ESRRG: variants seen among roughly 807,000 people sequenced by gnomAD.
ESRRG encodes the protein estrogen related receptor gamma.
Under a neutral mutation model 44.0 loss-of-function variants are expected in ESRRG, and 13 were observed. The ratio of observed to expected loss-of-function variants is 0.30; its 90% CI spans 0.19 to 0.47. The LOEUF is 0.47. Among genes scored for constraint, ESRRG ranks in the 20% least tolerant of loss-of-function variants. The pLI, the probability that ESRRG is intolerant of heterozygous loss-of-function variation, is 1.00. For synonymous variants in ESRRG, 215 were observed against 214.6 expected (o/e 1.00, Z -0.02); for missense variants, 395 against 580.6 (o/e 0.68, Z 3.29).
intron 1 of ESRRG, among the ~76,000 whole-genome samples, chr1:217,087,438 A>G (rs1272768717): frequency 6.6e-6 from 1 of 152,222 alleles, no homozygotes; most frequent in African/African-American, 2.4e-5. Context: ...CTCTCTTGGT[A>G]ACCTTTTAAT....
At chr1:216,556,159 T>A (rs1270047591) in intron 5 of ESRRG, among the ~76,000 whole-genome samples, 7 of 152,030 alleles carry the variant, frequency 4.6e-5, no homozygotes, top group Non-Finnish European at 8.8e-5. Context: ...CTTTAACTTA[T>A]CAAGTAGCTT....
intron 2 of ESRRG, among the ~76,000 whole-genome samples, chr1:216,819,251 C>T (rs776525899): frequency 6.6e-6 from 1 of 152,174 alleles, no homozygotes; most frequent in Non-Finnish European, 1.5e-5. Context: ...TCGCCAGCAT[C>T]TGTTGTTCTT....
At chr1:216,523,471 T>C (rs966590338) in intron 5 of ESRRG, among the ~76,000 whole-genome samples, 1 of 150,014 alleles carries the variant, frequency 6.7e-6, no homozygotes, top group African/African-American at 2.5e-5. Context: ...AGTGGTGCCA[T>C]GGGCACTCAT....
At chr1:216,686,502 C>A (rs2078007633) in intron 1 of ESRRG, among the ~76,000 whole-genome samples, 2 of 149,620 alleles carry the variant, frequency 1.3e-5, no homozygotes, top group African/African-American at 4.9e-5. Context: ...CCAGTGAAGC[C>A]AGTAGAAGCC....
chr1:216,560,881 C>A (rs752073589), intron 5 of ESRRG, among the ~76,000 whole-genome samples: 4 of 152,092 alleles, frequency 2.6e-5, no homozygotes, highest in Middle Eastern at 3.2e-3. Flanking sequence ...AGATAGGAAC[C>A]AGAAAAGCGA....
chr1:216,748,496 A>C (rs952327096), intron 2 of ESRRG, among the ~76,000 whole-genome samples: 2 of 152,192 alleles, frequency 1.3e-5, no homozygotes, highest in Non-Finnish European at 2.9e-5. Context: ...AAATATTAAT[A>C]GAACTATTTA....
At chr1:217,008,177 G>C (rs2078032320) in intron 1 of ESRRG, among the ~76,000 whole-genome samples, 1 of 152,202 alleles carries the variant, frequency 6.6e-6, no homozygotes, top group Non-Finnish European at 1.5e-5. Flanking sequence ...CTTTCAGGCT[G>C]TCTGCCACTG....
In ESRRG at chr1:217,030,020, C is replaced by T. The variant is rs190196212; in HGVS notation, c.-106+59487G>A. ...AAAGAGAAAAACCGAAGCTGGGTATCCTCACTAGCACACTGTACTACAGCC... is the reference window on the plus strand; with the variant it reads ...AAAGAGAAAAACCGAAGCTGGGTATTCTCACTAGCACACTGTACTACAGCC... On this transcript the variant is annotated intron_variant, in intron 1 of 7. Coordinates refer to the ESRRG transcript ENST00000359162. 2.2e-3 allele frequency among the ~76,000 whole-genome samples: 328 copies of T among 152,288 alleles called. 1 individual carries two copies. Among genetic ancestry groups the T allele is most frequent in the Non-Finnish European group, 3.6e-3 (242 of 68,028 alleles).
intron 1 of ESRRG, among the ~76,000 whole-genome samples, chr1:216,707,657 AT>A (rs2082721719): frequency 6.6e-6 from 1 of 152,194 alleles, no homozygotes. Flanking sequence ...GCATTCACAT[AT>A]TTTTATCATT....
At chr1:217,125,770 T>G (rs1349604768) in intron 1 of ESRRG, among the ~76,000 whole-genome samples, 1 of 152,200 alleles carries the variant, frequency 6.6e-6, no homozygotes, top group Non-Finnish European at 1.5e-5. Flanking sequence ...ATGTTGGTAT[T>G]TATTATTATC....
At chr1:216,718,844 A>G (rs1057241670) in intron 1 of ESRRG, among the ~76,000 whole-genome samples, 6 of 151,998 alleles carry the variant, frequency 3.9e-5, no homozygotes, top group African/African-American at 1.4e-4. Flanking sequence ...ATCTGCTGCA[A>G]TGACTCTAAA....
rs1446233472 is a variant in ESRRG at position 216,658,950 on chromosome 1, C to T, written c.473-7861G>A. ...AAAGAAAAGAAAAGTAGAGAAAATG[C>T]AAACCTAGGTTCAAGTTCCAGCTCT... On this transcript the variant is annotated intron_variant, in intron 2 of 6. Coordinates refer to ENST00000408911, the MANE Select transcript of ESRRG (RefSeq NM_001438.4). 2.6e-5 allele frequency among the ~76,000 whole-genome samples: 4 copies of T among 151,522 alleles called. No individual in the cohort carries two copies. In the East Asian group the frequency reaches 5.8e-4, roughly 22 times the overall value.
In ESRRG at chr1:216,582,982, AG is replaced by A. The variant is rs372318985; in HGVS notation, c.590-14885del. Reference sequence around the variant, plus strand: ...GTGGTGGGAGAATGGGAGAATGGCCAGGAAAGACTTCATGAGAAAGGGGGAA... The same window carrying A: ...GTGGTGGGAGAATGGGAGAATGGCCAGAAAGACTTCATGAGAAAGGGGGAA... On this transcript the variant is annotated intron_variant, in intron 3 of 6. Coordinates refer to ENST00000408911, the MANE Select transcript of ESRRG (RefSeq NM_001438.4). Among the ~76,000 whole-genome samples, 63 of 152,280 alleles carry A rather than the reference AG, an allele frequency of 4.1e-4. 1 individual carries two copies. The East Asian group carries it at 0.012, about 29-fold the overall frequency.
intron 1 of ESRRG, among the ~76,000 whole-genome samples, chr1:216,680,706 A>T (rs1474742359): frequency 2.6e-5 from 4 of 152,184 alleles, no homozygotes; most frequent in Non-Finnish European, 5.9e-5. Context: ...AGACACTATT[A>T]TATTATAACC....
intron 1 of ESRRG, among the ~76,000 whole-genome samples, chr1:217,118,974 CAG>C (rs1321769213): frequency 6.6e-6 from 1 of 151,926 alleles, no homozygotes; most frequent in Non-Finnish European, 1.5e-5. Flanking sequence ...GCCTGGGTGA[CAG>C]AGTGAGACCC....
intron 2 of ESRRG, among the ~76,000 whole-genome samples, chr1:216,655,343 G>C (rs2070199616): frequency 6.6e-6 from 1 of 152,128 alleles, no homozygotes; most frequent in Non-Finnish European, 1.5e-5. Flanking sequence ...GTGGTGTCAT[G>C]GTTCAGGATG....
Position 217,123,884 on chromosome 1 carries a change from A to G in ESRRG, c.-230+13783T>C, listed in dbSNP as rs546264710. ...GCTCACCTACGTAACAAACCTGCAC[A>G]TCTCGCACATGTACCCCAGAGCTTA... On this transcript the variant is annotated intron_variant, in intron 1 of 8. Coordinates refer to the ESRRG transcript ENST00000366940. Among the ~76,000 whole-genome samples the G allele has an allele frequency of 1.7e-3, 262 of 152,262 alleles. 1 individual carries two copies. Among genetic ancestry groups the G allele is most frequent in the African/African-American group, 6.1e-3 (252 of 41,522 alleles).
chr1:216,570,823 T>C (rs1573235380), intron 3 of ESRRG, among the ~76,000 whole-genome samples: 1 of 152,196 alleles, frequency 6.6e-6, no homozygotes, highest in South Asian at 2.1e-4. Flanking sequence ...GAATAAATCT[T>C]GACTGAGTTT....
intron 1 of ESRRG, among the ~76,000 whole-genome samples, chr1:217,077,364 G>T (rs2091399720): frequency 6.6e-6 from 1 of 152,208 alleles, no homozygotes; most frequent in Non-Finnish European, 1.5e-5. Context: ...GAGTTAATTG[G>T]AGTTATGAAA....
Sources: allele counts gnomAD v4.1 joint callset (sites outside exome capture counted in the v4.1 genomes callset), GRCh38; gene constraint gnomAD v4.1.1; transcripts MANE v1.5; gene names NCBI Gene and HGNC (gene_info 2026-07-23, HGNC 2026-07-21).